The following AMN1 variants were observed in gnomAD, a reference collection of about 807,000 sequenced individuals.
The protein encoded by AMN1 is antagonist of mitotic exit network 1 homolog.
In AMN1, 20 loss-of-function variants were observed where a neutral mutation model predicts 33.0. That is an observed-to-expected ratio of 0.61 (90% CI 0.43 to 0.88). The LOEUF (loss-of-function observed/expected upper bound fraction) is 0.88. Ranked by LOEUF, AMN1 falls within the 40% of genes least tolerant of loss-of-function variation. AMN1 has a pLI of 0.00. For synonymous variants in AMN1, 114 were observed against 111.9 expected (o/e 1.02, Z -0.12); for missense variants, 246 against 307.4 (o/e 0.80, Z 1.49).
intron 3 of AMN1, 78 bp downstream of exon 3, chr12:31,701,785 G>A (rs78016577): frequency 1.2e-5 from 15 of 1,227,392 alleles, no homozygotes; most frequent in South Asian, 1.2e-4. Flanking sequence ...CTCTTTTGAC[G>A]TATTTTCTCC....
intron 1 of AMN1, among the ~76,000 whole-genome samples, chr12:31,728,662 T>TA (rs1940178625): frequency 6.6e-6 from 1 of 152,218 alleles, no homozygotes. Context: ...CCAAGGCTTT[T>TA]AGCTGCTAAG....
chr12:31,692,381 C>T (rs1313109491), intron 5 of AMN1, among the ~76,000 whole-genome samples: 9 of 149,872 alleles, frequency 6.0e-5, no homozygotes, highest in Admixed American at 5.3e-4. Context: ...CGCTTGAACC[C>T]GGGAGGTGGA....
At position 31,677,256 on chromosome 12, in the gene AMN1, C is replaced by T. The variant is rs527511226; in HGVS notation, c.704-4879G>A. ...CGGAGCTTGCAGTGAGCCGAGATCG[C>T]GCCACTGCACTCCAGCCTGGGTGAC... On this transcript the variant is annotated intron_variant, in intron 6 of 6. Coordinates refer to ENST00000281471, the MANE Select transcript of AMN1 (RefSeq NM_001113402.2). Among the ~76,000 whole-genome samples, 16 of 152,172 alleles carry T rather than the reference C, an allele frequency of 1.1e-4. No individual in the cohort carries two copies. In the East Asian group the frequency reaches 3.1e-3, roughly 29 times the overall value.
In AMN1 at chr12:31,688,593, A is replaced by T. The variant is rs141204982; in HGVS notation, c.703+414T>A. Among the ~76,000 whole-genome samples, 1,473 of 148,746 alleles carry T rather than the reference A, an allele frequency of 9.9e-3. 19 individuals are homozygous for T. The highest frequency in any genetic ancestry group is 0.034 in the African/African-American group (1,394 of 41,414). ...GAGGCCAAGGCAGGCGGATTGCCTG[A>T]GCTCAGGAGTTAGAGACCAGCCTGG... On this transcript the variant is annotated intron_variant, in intron 6 of 6. Coordinates refer to ENST00000281471, the MANE Select transcript of AMN1 (RefSeq NM_001113402.2).
chr12:31,688,755 G>A (rs988502305), intron 6 of AMN1, among the ~76,000 whole-genome samples: 1 of 152,122 alleles, frequency 6.6e-6, no homozygotes, highest in African/African-American at 2.4e-5. Context: ...AGGTTGCAGT[G>A]AGCTGAGATT....
At chr12:31,714,133 T>C (rs1939579476) in intron 1 of AMN1, among the ~76,000 whole-genome samples, 1 of 151,964 alleles carries the variant, frequency 6.6e-6, no homozygotes, top group South Asian at 2.1e-4. Flanking sequence ...GTACTATGAG[T>C]CGGGGGTAAA....
chr12:31,727,606 G>A (rs1940129221), intron 1 of AMN1, among the ~76,000 whole-genome samples: 1 of 151,834 alleles, frequency 6.6e-6, no homozygotes, highest in African/African-American at 2.4e-5. Flanking sequence ...ATTTGCAACC[G>A]TCAGATACTA....
chr12:31,711,245 C>T (rs966095055), intron 1 of AMN1, among the ~76,000 whole-genome samples: 9 of 152,222 alleles, frequency 5.9e-5, no homozygotes, highest in East Asian at 1.9e-4. Context: ...CCATTTCCCA[C>T]TCCCATTCCC....
intron 6 of AMN1, among the ~76,000 whole-genome samples, chr12:31,678,458 GTCATC>G (rs555580664): frequency 1.0e-3 from 153 of 151,258 alleles, no homozygotes; most frequent in African/African-American, 3.3e-3. Context: ...GTGCAATGGT[GTCATC>G]TCAGCTCACT....
chr12:31,695,491 T>TTTC (rs1938685580), intron 5 of AMN1, among the ~76,000 whole-genome samples: 18 of 5,614 alleles, frequency 3.2e-3, no homozygotes, highest in African/African-American at 6.5e-3. Flanking sequence ...TTCTTTCTTT[T>TTTC]TTTTTTTTTT....
intron 6 of AMN1, among the ~76,000 whole-genome samples, chr12:31,677,173 A>C (rs1286218253): frequency 1.3e-5 from 2 of 152,060 alleles, no homozygotes; most frequent in Non-Finnish European, 2.9e-5. Flanking sequence ...AGTGGCGTGC[A>C]CCTGTAGTCC....
intron 1 of AMN1, among the ~76,000 whole-genome samples, chr12:31,724,623 T>A (rs939173191): frequency 6.6e-6 from 1 of 152,228 alleles, no homozygotes; most frequent in Non-Finnish European, 1.5e-5. Flanking sequence ...TGTATTTTGC[T>A]TTATGCAAGA....
At chr12:31,686,646 A>C (rs1212097850) in intron 6 of AMN1, among the ~76,000 whole-genome samples, 1 of 152,158 alleles carries the variant, frequency 6.6e-6, no homozygotes, top group Non-Finnish European at 1.5e-5. Context: ...AGATGGGCAA[A>C]ATTTTCCGAC....
At chr12:31,680,456 C>G (rs118174273) in intron 6 of AMN1, among the ~76,000 whole-genome samples, 3 of 152,066 alleles carry the variant, frequency 2.0e-5, no homozygotes, top group South Asian at 4.1e-4. Flanking sequence ...CTGCCTCGGC[C>G]CCCCCACAGG....
Position 31,672,181 on chromosome 12 carries a change from C to G in AMN1, c.*123G>C. On this transcript the variant is annotated 3_prime_UTR_variant, in exon 7 of 7. Transcript: ENST00000281471. ...TTAGCTAATTCTCTGAGAGTTATAA[C>G]TTAAGACAATAAAATAATTAAAAAT... 1 of 699,840 alleles carries G rather than the reference C, an allele frequency of 1.4e-6. No homozygotes were observed. The highest frequency in any genetic ancestry group is 1.8e-5 in the South Asian group (1 of 54,292). 43.4% of individuals were successfully genotyped at this position (699,840 alleles called of 1,614,324 possible).
intron 1 of AMN1, among the ~76,000 whole-genome samples, chr12:31,718,003 G>T (rs1265800150): frequency 6.6e-6 from 1 of 152,154 alleles, no homozygotes; most frequent in African/African-American, 2.4e-5. Flanking sequence ...ATAATATCCT[G>T]AAGTGTGTTT....
At chr12:31,682,357 T>C (rs543228949) in intron 6 of AMN1, among the ~76,000 whole-genome samples, 6 of 152,208 alleles carry the variant, frequency 3.9e-5, no homozygotes, top group South Asian at 2.1e-4. Flanking sequence ...TTTGACAGGT[T>C]TGTATGCCGG....
chr12:31,673,493 A>G (rs1415560753), intron 6 of AMN1: 3 of 227,180 alleles, frequency 1.3e-5, no homozygotes, highest in Middle Eastern at 1.8e-3. Flanking sequence ...TGTAGAGGAA[A>G]TCTCAATCAA....
rs929703645 is a variant in AMN1 at position 31,721,069 on chromosome 12, A to G, written c.38+7902T>C. 5.9e-5 allele frequency among the ~76,000 whole-genome samples: 9 copies of G among 152,324 alleles called. No individual in the cohort carries two copies. The East Asian group carries it at 1.7e-3, about 29-fold the overall frequency. On this transcript the variant is annotated intron_variant, in intron 1 of 6. Coordinates refer to ENST00000281471, the MANE Select transcript of AMN1 (RefSeq NM_001113402.2). ...CATTTATTTGGTTGAGCCACAGGTG[A>G]GCAGTCTCTCAAAACAAAAGTGAAT...
Sources: allele counts gnomAD v4.1 joint callset (sites outside exome capture counted in the v4.1 genomes callset), GRCh38; gene constraint gnomAD v4.1.1; transcripts MANE v1.5; gene names NCBI Gene and HGNC (gene_info 2026-07-23, HGNC 2026-07-21).